PHLDB2: variants seen among roughly 807,000 people sequenced by gnomAD.
PHLDB2 encodes the protein pleckstrin homology like domain family B member 2.
Under a neutral mutation model 123.6 loss-of-function variants are expected in PHLDB2, and 71 were observed. That is an observed-to-expected ratio of 0.57 (90% CI 0.47 to 0.70). The LOEUF (loss-of-function observed/expected upper bound fraction) is 0.70, where lower values mean the gene tolerates loss of function less well. Ranked by LOEUF, PHLDB2 falls within the 30% of genes least tolerant of loss-of-function variation. The pLI is 0.00. For synonymous variants in PHLDB2, 547 were observed against 541.6 expected, an observed-to-expected ratio of 1.01 and a Z score of -0.14; for missense variants, 1,446 against 1,519.5, an observed-to-expected ratio of 0.95 and a Z score of 0.80.
At chr3:111,782,458 T>C (rs1200672497) in intron 1 of PHLDB2, among the ~76,000 whole-genome samples, 1 of 152,156 alleles carries the variant, frequency 6.6e-6, no homozygotes, top group Non-Finnish European at 1.5e-5. Context: ...AAGCTCAAGC[T>C]TGAGCTTTTA....
At chr3:111,796,931 T>C (rs952555238) in intron 1 of PHLDB2, among the ~76,000 whole-genome samples, 1 of 152,256 alleles carries the variant, frequency 6.6e-6, no homozygotes, top group African/African-American at 2.4e-5. Flanking sequence ...CCTTCTAGTG[T>C]TATTCCCTAT....
chr3:111,847,589 A>G (rs560748160), intron 2 of PHLDB2, among the ~76,000 whole-genome samples: 2 of 152,248 alleles, frequency 1.3e-5, no homozygotes, highest in Admixed American at 1.3e-4. Flanking sequence ...CCAAATGCAC[A>G]GTCTTGGATT....
At chr3:111,957,639 G>A (rs1402852882) in intron 12 of PHLDB2, 1 of 152,222 alleles carries the variant, frequency 6.6e-6, no homozygotes, top group Non-Finnish European at 1.5e-5. Context: ...GTATAAATAA[G>A]TCAGGCTACA....
intron 1 of PHLDB2, among the ~76,000 whole-genome samples, chr3:111,808,654 C>T (rs1481416638): frequency 6.6e-6 from 1 of 152,112 alleles, no homozygotes; most frequent in Non-Finnish European, 1.5e-5. Context: ...ATGTATATCT[C>T]ATGAGTCACA....
chr3:111,938,000 A>G (rs922470659), intron 6 of PHLDB2, among the ~76,000 whole-genome samples: 13 of 152,098 alleles, frequency 8.5e-5, no homozygotes, highest in African/African-American at 2.9e-4. Flanking sequence ...TTTCTAGACC[A>G]TCTGATTTTC....
chr3:111,854,159 A>AGAC (rs1180086741), intron 2 of PHLDB2, among the ~76,000 whole-genome samples: 1 of 152,212 alleles, frequency 6.6e-6, no homozygotes, highest in Non-Finnish European at 1.5e-5. Flanking sequence ...GGGAAATGCC[A>AGAC]GACACTTACA....
chr3:111,973,985 T>G (rs535887208), intron 17 of PHLDB2, among the ~76,000 whole-genome samples, 168 bp downstream of exon 17: 39 of 150,646 alleles, frequency 2.6e-4, no homozygotes, highest in Admixed American at 1.9e-3. Context: ...CCGTTCTCTT[T>G]GAGGAAAAAA....
intron 1 of PHLDB2, among the ~76,000 whole-genome samples, chr3:111,738,069 G>A (rs2059540597): frequency 6.6e-6 from 1 of 152,130 alleles, no homozygotes; most frequent in African/African-American, 2.4e-5. Context: ...CCAAGGAGAT[G>A]TACTTTTAAT....
chr3:111,733,467 G>A (rs1033187152), intron 1 of PHLDB2, among the ~76,000 whole-genome samples: 1 of 152,120 alleles, frequency 6.6e-6, no homozygotes. Flanking sequence ...CTCCTTCCGA[G>A]AATAGTAAAT....
Position 111,885,292 on chromosome 3 carries a change from C to G in PHLDB2, c.1215C>G (p.Pro405=), listed in dbSNP as rs1252047645. The part of the protein sequence containing the change: ...LESLRQASGT[P]QPALRERKSS... ...GCCTCAGACAGGCCTCAGGAACCCC[C>G]CAGCCTGCCCTTCGGGAACGGAAAA... is the stretch of plus-strand genomic sequence containing the variant. Residue 405 remains proline (P), a synonymous_variant, in exon 2 of 18, where the codon CCC becomes CCG. Transcript: ENST00000431670. The G allele has an allele frequency of 6.2e-7, 1 of 1,614,062 alleles. No individual in the cohort carries two copies. The highest frequency in any genetic ancestry group is 1.7e-5 in the Admixed American group (1 of 59,996).
chr3:111,919,447 T>C (rs2068366646), intron 4 of PHLDB2, among the ~76,000 whole-genome samples: 1 of 152,228 alleles, frequency 6.6e-6, no homozygotes, highest in African/African-American at 2.4e-5. Context: ...TAATGTACTT[T>C]ATGAATCTCC....
chr3:111,897,590 C>A (rs1236431201), intron 2 of PHLDB2, among the ~76,000 whole-genome samples: 1 of 152,136 alleles, frequency 6.6e-6, no homozygotes, highest in African/African-American at 2.4e-5. Flanking sequence ...GACCATATCC[C>A]AGCTCTGGGG....
intron 2 of PHLDB2, among the ~76,000 whole-genome samples, chr3:111,893,916 A>ATTTATTTATTTT (rs1559889942): frequency 9.6e-4 from 127 of 132,082 alleles, no homozygotes; most frequent in African/African-American, 3.4e-3. Context: ...TTATTTATTT[A>ATTTATTTATTTT]TTTTTTATTA....
At chr3:111,923,734 G>A (rs955566) in intron 5 of PHLDB2, among the ~76,000 whole-genome samples, 53,497 of 151,944 alleles carry the variant, frequency 0.35, 10,034 homozygotes, top group East Asian at 0.7. Context: ...ATCTTGACAC[G>A]TCTTTCCTTA....
intron 1 of PHLDB2, among the ~76,000 whole-genome samples, chr3:111,749,372 G>C (rs1205598994): frequency 6.6e-6 from 1 of 151,996 alleles, no homozygotes; most frequent in Non-Finnish European, 1.5e-5. Context: ...GCATGTGAAA[G>C]ATGATGTAAG....
In PHLDB2 at chr3:111,885,054, G is replaced by A. The variant is rs147939204; in HGVS notation, c.977G>A (p.Ser326Asn). The change falls in exon 2 of 18, where the codon AGT (serine) becomes AAT (asparagine). Residue 326 changes from serine (S) to asparagine (N), a missense_variant. Coordinates refer to ENST00000431670, the MANE Select transcript of PHLDB2 (RefSeq NM_001134438.2). Reference protein sequence around the residue: ...TSASEGNPYVSSTLSVPASPR... With the variant: ...TSASEGNPYVNSTLSVPASPR... The stretch of plus-strand genomic sequence containing the variant: ...GCTTCTGAAGGCAATCCTTATGTAA[G>A]TTCTACCCTCAGTGTCCCTGCCAGT... 1.1e-5 allele frequency: 17 copies of A among 1,614,016 alleles called. No homozygotes were observed. In the East Asian group the frequency reaches 1.3e-4, roughly 13 times the overall value.
At chr3:111,899,007 A>G (rs1002939411) in intron 2 of PHLDB2, among the ~76,000 whole-genome samples, 1 of 152,226 alleles carries the variant, frequency 6.6e-6, no homozygotes, top group African/African-American at 2.4e-5. Flanking sequence ...ATTTAATGGC[A>G]TCGAAACTGG....
At position 111,948,957 on chromosome 3, in the gene PHLDB2, A is replaced by G. The variant is rs760293997; in HGVS notation, c.2513A>G (p.Asn838Ser). 8 of 1,613,924 alleles carry G rather than the reference A, an allele frequency of 5.0e-6. No individual in the cohort carries two copies. The highest frequency in any genetic ancestry group is 6.8e-6 in the Non-Finnish European group (8 of 1,179,960). ...KEGYISVNEI[N>S]EPCGNSTNLS... ...GGCTATATCAGTGTAAATGAGATTA[A>G]TGAGCCGTGTGGCAATTCCACGAAT... Residue 838 changes from asparagine (N) to serine (S), a missense_variant, in exon 10 of 18, where the codon AAT (asparagine) becomes AGT (serine). Around this residue, in one of 3 missense-constraint regions of PHLDB2, gnomAD observed 594 missense variants for 646.0 expected, o/e 0.92. Coordinates refer to ENST00000431670, the MANE Select transcript of PHLDB2 (RefSeq NM_001134438.2).
At chr3:111,964,816 A>T (rs941019987) in intron 13 of PHLDB2, among the ~76,000 whole-genome samples, 1 of 152,156 alleles carries the variant, frequency 6.6e-6, no homozygotes, top group African/African-American at 2.4e-5. Context: ...CTAAATAAAC[A>T]TTGACTATAT....
Sources: allele counts gnomAD v4.1 joint callset (sites outside exome capture counted in the v4.1 genomes callset), GRCh38; gene constraint gnomAD v4.1.1; regional missense constraint gnomAD v4.1.1; transcripts MANE v1.5; gene names NCBI Gene and HGNC (gene_info 2026-07-23, HGNC 2026-07-21).